The following CLCN1 variants were observed in gnomAD, a reference collection of about 807,000 sequenced individuals.
The protein encoded by CLCN1 is chloride channel protein 1.
Under a neutral mutation model 114.5 loss-of-function variants are expected in CLCN1, and 100 were observed. That is an observed-to-expected ratio of 0.87 (90% confidence interval 0.74 to 1.03). The LOEUF is 1.03. Ranked by LOEUF, CLCN1 falls within the 50% of genes least tolerant of loss-of-function variation. The probability of loss-of-function intolerance (pLI) is 0.00; values close to 1 mark genes in which losing one functional copy is unlikely to be tolerated. For synonymous variants in CLCN1, 485 were observed against 487.1 expected, an observed-to-expected ratio of 1.00 and a Z score of 0.06; for missense variants, 1,188 against 1,250.0, an observed-to-expected ratio of 0.95 and a Z score of 0.75.
intron 12 of CLCN1, among the ~76,000 whole-genome samples, chr7:143,336,167 T>A (rs886662552): frequency 6.6e-6 from 1 of 152,154 alleles, no homozygotes; most frequent in Non-Finnish European, 1.5e-5. Context: ...CTGTTGAATT[T>A]TTTTTCACTC....
intron 17 of CLCN1, 60 bp from the exon 18 acceptor site, chr7:143,346,080 G>A (rs934822608): frequency 6.4e-6 from 7 of 1,100,896 alleles, no homozygotes; most frequent in East Asian, 2.3e-5. Flanking sequence ...AACTGGTAAA[G>A]GCAGTGAAGG....
rs370481122 is a variant in CLCN1, at chr7:143,320,621, G to C, written c.302-43G>C. 8.1e-6 allele frequency: 12 copies of C among 1,482,406 alleles called. No homozygotes were observed. In the African/African-American group the frequency reaches 1.7e-4, roughly 21 times the overall value. 91.8% of individuals were successfully genotyped at this position (1,482,406 alleles called of 1,614,324 possible). ...TATATATATTTTTGTTTGTTTGTTT[G>C]TTTGTTGTTTGTTTGTTTGTTTTTT... On this transcript the variant is annotated intron_variant, in intron 2 of 22. Transcript: ENST00000343257.
chr7:143,325,464 T>C (rs1431254605), intron 7 of CLCN1, among the ~76,000 whole-genome samples: 1 of 152,212 alleles, frequency 6.6e-6, no homozygotes, highest in Non-Finnish European at 1.5e-5. Flanking sequence ...GCACACAGAC[T>C]AAGGAACCCA....
Position 143,341,957 on chromosome 7 carries a change from C to A in CLCN1, c.1611C>A (p.Ser537=), listed in dbSNP as rs750422330. 1 of 1,613,966 alleles carries A rather than the reference C, an allele frequency of 6.2e-7. No individual in the cohort carries two copies. The highest frequency in any genetic ancestry group is 1.1e-5 in the South Asian group (1 of 91,074). ...IGAAALTGAV[S]HTVSTAVICF... is the part of the protein sequence containing the mutation. Reference sequence around the variant, plus strand: ...CAGCAGCGCTGACTGGTGCCGTTTCCCACACAGTCTCCACAGCTGTGATTT... The same window carrying A: ...CAGCAGCGCTGACTGGTGCCGTTTCACACACAGTCTCCACAGCTGTGATTT... The change falls in exon 15 of 23, where the codon TCC becomes TCA. Residue 537 remains serine, a synonymous_variant. Coordinates refer to ENST00000343257, the MANE Select transcript of CLCN1 (RefSeq NM_000083.3).
intron 2 of CLCN1, among the ~76,000 whole-genome samples, chr7:143,320,187 C>A (rs1162612744): frequency 6.6e-6 from 1 of 152,158 alleles, no homozygotes; most frequent in South Asian, 2.1e-4. Context: ...GATGCTGAGG[C>A]TGGTCTTGAA....
In CLCN1 at chr7:143,341,945, T is replaced by A. The variant is rs1193726929; in HGVS notation, c.1599T>A (p.Thr533=). Residue 533 remains threonine, a synonymous_variant, in exon 15 of 23, where the codon ACT becomes ACA. Transcript: ENST00000343257. ...TCATTCTAGGAGCAGCAGCGCTGAC[T>A]GGTGCCGTTTCCCACACAGTCTCCA... ...GYAVIGAAAL[T]GAVSHTVSTA... The A allele has an allele frequency of 1.2e-6, 2 of 1,613,698 alleles. No homozygotes were observed. Among genetic ancestry groups the A allele is most frequent in the East Asian group, 4.5e-5 (2 of 44,890 alleles).
intron 14 of CLCN1, among the ~76,000 whole-genome samples, chr7:143,340,732 C>G (rs974286770): frequency 1.3e-5 from 2 of 152,086 alleles, no homozygotes; most frequent in African/African-American, 4.8e-5. Context: ...GGGGTTTCAC[C>G]ATATTGGCCA....
chr7:143,345,827 G>C, intron 17 of CLCN1, 65 bp downstream of exon 17: 1 of 1,546,950 alleles, frequency 6.5e-7, no homozygotes, highest in South Asian at 1.2e-5. Context: ...GCGTCGTCTG[G>C]GCTGGGCTGG....
chr7:143,349,765 AC>A (rs1407530810), intron 20 of CLCN1, among the ~76,000 whole-genome samples: 17 of 152,358 alleles, frequency 1.1e-4, no homozygotes, highest in Non-Finnish European at 2.5e-4. Context: ...AGCAGCCGAT[AC>A]CACATAACAC....
chr7:143,344,284 G>A (rs766939800), intron 16 of CLCN1, among the ~76,000 whole-genome samples: 1 of 152,042 alleles, frequency 6.6e-6, no homozygotes, highest in Non-Finnish European at 1.5e-5. Flanking sequence ...TTCCTAACTA[G>A]GTGGGCATTC....
chr7:143,351,197 G>T (rs925300070), intron 22 of CLCN1, among the ~76,000 whole-genome samples: 5 of 152,130 alleles, frequency 3.3e-5, no homozygotes, highest in African/African-American at 1.2e-4. Flanking sequence ...CTCCACCCCA[G>T]ATGGGGCCCA....
Position 143,324,565 on chromosome 7 carries a change from C to T in CLCN1, c.853+73C>T. On this transcript the variant is annotated intron_variant, in intron 7 of 22. Transcript: ENST00000343257. The surrounding 1 kb of genome is among the most constrained non-coding windows in gnomAD (Gnocchi z 4.6). Reference sequence around the variant, plus strand: ...TCCCAAAACAGTTTTAATCAGTATCCACAAGTGCTGGTATTACCAGGTTAC... The same window carrying T: ...TCCCAAAACAGTTTTAATCAGTATCTACAAGTGCTGGTATTACCAGGTTAC... 1 of 1,121,826 alleles carries T rather than the reference C, an allele frequency of 8.9e-7. No individual in the cohort carries two copies. Among genetic ancestry groups the T allele is most frequent in the Non-Finnish European group, 1.4e-6 (1 of 734,216 alleles). 69.5% of individuals were successfully genotyped at this position (1,121,826 alleles called of 1,614,324 possible).
chr7:143,341,782 A>G (rs541215847), intron 14 of CLCN1, 147 bp from the exon 15 acceptor site: 1 of 708,436 alleles, frequency 1.4e-6, no homozygotes, highest in Non-Finnish European at 2.6e-6. Flanking sequence ...TCAGTATTCT[A>G]TTCCCTACTC....
At chr7:143,347,591 A>C (rs1316617507) in intron 20 of CLCN1, among the ~76,000 whole-genome samples, 1 of 147,224 alleles carries the variant, frequency 6.8e-6, no homozygotes, top group African/African-American at 2.5e-5. Context: ...ACTGCACTCC[A>C]GCCTGGGTGA....
intron 7 of CLCN1, among the ~76,000 whole-genome samples, chr7:143,326,085 T>G (rs1333113150): frequency 6.6e-6 from 1 of 152,120 alleles, no homozygotes; most frequent in African/African-American, 2.4e-5. Flanking sequence ...GGCACCATCT[T>G]GGCTCACTGC....
In CLCN1 at chr7:143,330,872, G is replaced by A. The variant is rs1264226445; in HGVS notation, c.954G>A (p.Val318=). 5 of 1,614,224 alleles carry A rather than the reference G, an allele frequency of 3.1e-6. No individual in the cohort carries two copies. Among genetic ancestry groups the A allele is most frequent in the Non-Finnish European group, 3.4e-6 (4 of 1,180,050 alleles). ...CGTTCAGCGCCTTTGTGTTTCGAGT[G>A]CTGGCAGTGTGGAACAAGGATGCTG... is the stretch of plus-strand genomic sequence containing the variant. The part of the protein sequence containing the change: ...AATFSAFVFR[V]LAVWNKDAVT... Residue 318 remains valine, a synonymous_variant, in exon 8 of 23, where the codon GTG becomes GTA. Coordinates refer to ENST00000343257, the MANE Select transcript of CLCN1 (RefSeq NM_000083.3).
At chr7:143,342,289 T>C in intron 15 of CLCN1, 83 bp from the exon 16 acceptor site, 1 of 1,565,930 alleles carries the variant, frequency 6.4e-7, no homozygotes, top group Non-Finnish European at 8.8e-7. Context: ...TGTGAGTGAC[T>C]GAAAGTATGG....
chr7:143,337,744 A>G (rs1466834002), intron 12 of CLCN1, among the ~76,000 whole-genome samples: 1 of 114,112 alleles, frequency 8.8e-6, no homozygotes, highest in East Asian at 2.7e-4. Context: ...TCATACTTCT[A>G]TTTCTTTTAC....
chr7:143,332,526 T>C, intron 11 of CLCN1, 23 bp downstream of exon 11: 1 of 1,594,264 alleles, frequency 6.3e-7, no homozygotes, highest in Non-Finnish European at 8.6e-7. Context: ...TGGGGCCACA[T>C]GGTAAAGAGG....
Sources: gnomAD v4.1 joint callset for allele counts (sites outside exome capture counted in the v4.1 genomes callset) on GRCh38, gnomAD v4.1.1 for gene constraint, Gnocchi (gnomAD v3.1) non-coding constraint, MANE v1.5 for transcripts, NCBI Gene and HGNC (gene_info 2026-07-23, HGNC 2026-07-21) for gene names.